The following HADHA variants were observed in gnomAD, a reference collection of about 807,000 sequenced individuals.
HADHA encodes the protein hydroxyacyl-CoA dehydrogenase trifunctional multienzyme complex subunit alpha.
In HADHA, 59 loss-of-function variants were observed where a neutral mutation model predicts 91.3. That is an observed-to-expected ratio of 0.65 (90% confidence interval 0.52 to 0.80). HADHA has a LOEUF of 0.80. Among genes scored for constraint, HADHA ranks in the 30% least tolerant of loss-of-function variants. The probability of loss-of-function intolerance (pLI) is 0.00; values close to 1 mark genes in which losing one functional copy is unlikely to be tolerated. For missense variants in HADHA, 800 were observed against 927.6 expected, an observed-to-expected ratio of 0.86 and a Z score of 1.79; for synonymous variants, 320 against 338.9, an observed-to-expected ratio of 0.94 and a Z score of 0.61.
chr2:26,190,996 GC>G lies in HADHA; in HGVS notation c.*253del. 3 of 570,404 alleles carry G rather than the reference GC, an allele frequency of 5.3e-6. No individual in the cohort carries two copies. Among genetic ancestry groups the G allele is most frequent in the Non-Finnish European group, 9.4e-6 (3 of 318,172 alleles). The allele number at this position is 570,404 out of a possible 1,614,324, so 35.3% of individuals were successfully genotyped here. A position where few individuals can be genotyped will look rare whatever the true frequency, so the allele number is the denominator to read the frequency against. Reference sequence around the variant, plus strand: ...AGGTGGCTTCAGATGGCTCTTGGCTGCCACTCTAGGCCTCGGGGCTTATACA... The same window carrying G: ...AGGTGGCTTCAGATGGCTCTTGGCTGCACTCTAGGCCTCGGGGCTTATACA... On this transcript the variant is annotated 3_prime_UTR_variant, in exon 20 of 20. Coordinates refer to ENST00000380649, the MANE Select transcript of HADHA (RefSeq NM_000182.5).
chr2:26,198,783 T>C (rs1359515958), intron 13 of HADHA, among the ~76,000 whole-genome samples: 3 of 151,896 alleles, frequency 2.0e-5, no homozygotes, highest in Non-Finnish European at 4.4e-5. Flanking sequence ...GCATGGTGGC[T>C]AAACAACTAT....
Position 26,229,840 on chromosome 2 carries a change from T to G in HADHA, c.676+352A>C, listed in dbSNP as rs1670576961. On this transcript the variant is annotated intron_variant, in intron 7 of 19. Transcript: ENST00000380649. The surrounding 1 kb of genome is among the most constrained non-coding windows in gnomAD (Gnocchi z 4.3). ...TATTCAAGAGGTTAACTGTTTTTTC[T>G]TTTGAGATGGGAGTCTGGCTCTGTT... 6.6e-6 allele frequency among the ~76,000 whole-genome samples: 1 copy of G among 152,244 alleles called. No individual in the cohort carries two copies. Among genetic ancestry groups the G allele is most frequent in the Non-Finnish European group, 1.5e-5 (1 of 68,040 alleles).
At position 26,234,278 on chromosome 2, in the gene HADHA, T is replaced by A. The variant is rs139807367; in HGVS notation, c.392A>T (p.Glu131Val). The change falls in exon 5 of 20, where the codon GAA becomes GTA. Residue 131 changes from glutamate (E) to valine (V), a missense_variant. Coordinates refer to ENST00000380649, the MANE Select transcript of HADHA (RefSeq NM_000182.5). ...QEAQRIVEKL[E>V]KSTKPIVAAI... Reference sequence around the variant, plus strand: ...AGCCACAATAGGCTTTGTGGACTTTTCAAGTTTCTCAACTATTCTCTGTGC... The same window carrying A: ...AGCCACAATAGGCTTTGTGGACTTTACAAGTTTCTCAACTATTCTCTGTGC... The A allele has an allele frequency of 3.7e-6, 6 of 1,613,804 alleles. No homozygotes were observed. The East Asian group carries it at 1.3e-4, about 36-fold the overall frequency.
rs146126230 is a variant in HADHA at position 26,215,706 on chromosome 2, C to T, written c.677-531G>A. Among the ~76,000 whole-genome samples, 36 of 152,214 alleles carry T rather than the reference C, an allele frequency of 2.4e-4. No homozygotes were observed. The East Asian group carries it at 6.7e-3, about 29-fold the overall frequency. The stretch of plus-strand genomic sequence containing the variant: ...TCAAGCAGAAGGAAAGTGAAACCAT[C>T]AGAGTTTTTGGTGGTCATGTACAAC... On this transcript the variant is annotated intron_variant, in intron 7 of 19. Coordinates refer to ENST00000380649, the MANE Select transcript of HADHA (RefSeq NM_000182.5).
Position 26,229,685 on chromosome 2 carries a change from A to C in HADHA, c.676+507T>G, listed in dbSNP as rs1670572206. 6.6e-6 allele frequency among the ~76,000 whole-genome samples: 1 copy of C among 152,246 alleles called. No homozygotes were observed. ...CTGAATTCTGTACTCCTAATGTTCT[A>C]ATTATAAAGCAAAATAAAAATCAGG... On this transcript the variant is annotated intron_variant, in intron 7 of 19. Coordinates refer to ENST00000380649, the MANE Select transcript of HADHA (RefSeq NM_000182.5). This position sits in a 1 kb window ranked among gnomAD's most constrained non-coding sequence, Gnocchi z 4.3.
Position 26,209,838 on chromosome 2 carries a change from A to G in HADHA, c.1027T>C (p.Tyr343His). ...TTCTTGCACAGGACCTGACCATGGT[A>G]GAGTCCCATCAAGGCCTTTGATTCT... ...TKESKALMGL[Y>H]HGQVLCKKNK... The change falls in exon 11 of 20, where the codon TAC (tyrosine) becomes CAC (histidine). Residue 343 changes from tyrosine to histidine, a missense_variant. Coordinates refer to ENST00000380649, the MANE Select transcript of HADHA (RefSeq NM_000182.5). 1 of 1,608,028 alleles carries G rather than the reference A, an allele frequency of 6.2e-7. No individual in the cohort carries two copies. The highest frequency in any genetic ancestry group is 2.2e-5 in the East Asian group (1 of 44,848).
intron 12 of HADHA, among the ~76,000 whole-genome samples, chr2:26,203,323 G>A (rs1319649292): frequency 6.6e-6 from 1 of 152,200 alleles, no homozygotes; most frequent in African/African-American, 2.4e-5. Flanking sequence ...TGCTTTAAGT[G>A]CAGCCAGCTT....
At chr2:26,199,613 G>T (rs1181635938) in intron 13 of HADHA, among the ~76,000 whole-genome samples, 2 of 152,124 alleles carry the variant, frequency 1.3e-5, no homozygotes, top group Non-Finnish European at 2.9e-5. Flanking sequence ...AATCTGGGCT[G>T]GTCTTGTGAC....
rs979861852 is a variant in HADHA, at chr2:26,193,791, A to G, written c.1690-19T>C. 3 of 1,603,206 alleles carry G rather than the reference A, an allele frequency of 1.9e-6. No individual in the cohort carries two copies. Among genetic ancestry groups the G allele is most frequent in the African/African-American group, 2.7e-5 (2 of 74,688 alleles). On this transcript the variant is annotated intron_variant, in intron 16 of 19. Coordinates refer to ENST00000380649, the MANE Select transcript of HADHA (RefSeq NM_000182.5). ...CTCCTTCCTGAACAGGAAGCGATGC[A>G]GGGACCTCAGGGGAAGGGCAGCCCA...
In HADHA at chr2:26,228,812, C is replaced by T. The variant is rs72849904; in HGVS notation, c.676+1380G>A. 5.4e-3 allele frequency among the ~76,000 whole-genome samples: 821 copies of T among 151,950 alleles called. 6 individuals carry two copies. Among genetic ancestry groups the T allele is most frequent in the African/African-American group, 0.019 (796 of 41,414 alleles). ...TCAGCCTCCTGACTAGCTGGGACTA[C>T]AGGTATACACTATGATACCCAGCTA... On this transcript the variant is annotated intron_variant, in intron 7 of 19. Coordinates refer to ENST00000380649, the MANE Select transcript of HADHA (RefSeq NM_000182.5).
At chr2:26,208,626 G>A (rs2147765833) in intron 11 of HADHA, among the ~76,000 whole-genome samples, 1 of 152,286 alleles carries the variant, frequency 6.6e-6, no homozygotes, top group East Asian at 1.9e-4. Flanking sequence ...CGTGCACAGG[G>A]AATGGGTGGC....
At chr2:26,242,203 T>C (rs912716717) in intron 1 of HADHA, among the ~76,000 whole-genome samples, 4 of 152,214 alleles carry the variant, frequency 2.6e-5, no homozygotes, top group African/African-American at 9.6e-5. Context: ...TTCAAGAGAA[T>C]TTTATCATCC....
At chr2:26,213,730 A>G (rs1210263898) in intron 9 of HADHA, among the ~76,000 whole-genome samples, 4 of 152,210 alleles carry the variant, frequency 2.6e-5, no homozygotes, top group Non-Finnish European at 4.4e-5. Flanking sequence ...CTTAAAGGCT[A>G]TCCACCTTAA....
intron 9 of HADHA, among the ~76,000 whole-genome samples, chr2:26,213,241 T>TA (rs777324840): frequency 8.5e-5 from 13 of 152,244 alleles, no homozygotes; most frequent in Non-Finnish European, 1.8e-4. Flanking sequence ...AGCCTGTTGC[T>TA]GCTTTCCTAT....
At chr2:26,239,218 AT>A in intron 1 of HADHA, 75 bp from the exon 2 acceptor site, 1 of 976,806 alleles carries the variant, frequency 1.0e-6, no homozygotes, top group Non-Finnish European at 1.7e-6. Context: ...CAAAGCTGTA[AT>A]TTACAATAAT....
chr2:26,233,300 T>G (rs1405862347), intron 5 of HADHA, among the ~76,000 whole-genome samples: 1 of 152,206 alleles, frequency 6.6e-6, no homozygotes, highest in East Asian at 1.9e-4. Context: ...TGATAAGCAT[T>G]TCTGTATCTA....
At chr2:26,227,318 C>G (rs1356942325) in intron 7 of HADHA, among the ~76,000 whole-genome samples, 1 of 152,012 alleles carries the variant, frequency 6.6e-6, no homozygotes, top group East Asian at 1.9e-4. Flanking sequence ...TTGAGACCAG[C>G]CCTGACAACA....
chr2:26,215,032 T>A (rs1402001520), intron 8 of HADHA, 21 bp downstream of exon 8: 5 of 1,598,424 alleles, frequency 3.1e-6, no homozygotes, highest in Non-Finnish European at 4.3e-6. Flanking sequence ...TTTGCCTTTG[T>A]TCTTTAACAA....
Position 26,242,364 on chromosome 2 carries a change from A to C in HADHA, c.67+2166T>G, listed in dbSNP as rs137881215. Among the ~76,000 whole-genome samples, 622 of 152,354 alleles carry C rather than the reference A, an allele frequency of 4.1e-3. 3 individuals carry two copies. The highest frequency in any genetic ancestry group is 0.015 in the African/African-American group (609 of 41,590). ...TTTTTTTCAAAATTTATAAATTGCTATTAAGGGATCAGTAACTACAACGAA... is the reference window on the plus strand; with the variant it reads ...TTTTTTTCAAAATTTATAAATTGCTCTTAAGGGATCAGTAACTACAACGAA... On this transcript the variant is annotated intron_variant, in intron 1 of 19. Coordinates refer to ENST00000380649, the MANE Select transcript of HADHA (RefSeq NM_000182.5).
Sources: allele counts gnomAD v4.1 joint callset (sites outside exome capture counted in the v4.1 genomes callset), GRCh38; gene constraint gnomAD v4.1.1; non-coding constraint Gnocchi (gnomAD v3.1); transcripts MANE v1.5; gene names NCBI Gene and HGNC (gene_info 2026-07-23, HGNC 2026-07-21).